Variants in CTPS2 observed in about 807,000 individuals in gnomAD.
CTPS2 encodes CTP synthase 2, also known as CTP synthase II.
A neutral mutation model predicts 46.8 loss-of-function variants in CTPS2; 19 were observed. The ratio of observed to expected loss-of-function variants is 0.41; its 90% confidence interval spans 0.28 to 0.60. The LOEUF is 0.60. Among genes scored for constraint, CTPS2 ranks in the 20% least tolerant of loss-of-function variants. The pLI is 0.35. For synonymous variants in CTPS2, 151 were observed against 165.2 expected, an observed-to-expected ratio of 0.91 and a Z score of 0.66; for missense variants, 286 against 447.6, an observed-to-expected ratio of 0.64 and a Z score of 3.26.
intron 17 of CTPS2, among the ~76,000 whole-genome samples, chrX:16,605,367 C>G (rs762255103): frequency 1.1e-4 from 12 of 111,648 alleles, no homozygotes; most frequent in Non-Finnish European, 2.3e-4. Context: ...TTTCTCCAGA[C>G]TCCACTTATC....
At chrX:16,671,432 T>C in intron 10 of CTPS2, among the ~76,000 whole-genome samples, 1 of 109,485 alleles carries the variant, frequency 9.1e-6, no homozygotes, top group Non-Finnish European at 1.9e-5. Context: ...TTGGGACCCG[T>C]TTCTGGTAAC....
chrX:16,680,995 G>T (rs1432156990), intron 9 of CTPS2, among the ~76,000 whole-genome samples: 1 of 111,974 alleles, frequency 8.9e-6, no homozygotes, highest in African/African-American at 3.2e-5. Context: ...AGACCAGCCT[G>T]GCCAACATGA....
rs1923701228 is a variant in CTPS2 at position 16,691,537 on chromosome X, A to G, written c.720+3T>C. The G allele has an allele frequency of 2.5e-6, 3 of 1,204,954 alleles. No individual in the cohort carries two copies. Among genetic ancestry groups the G allele is most frequent in the Admixed American group, 2.2e-5 (1 of 45,683 alleles). On this transcript the variant is annotated splice_donor_region_variant and intron_variant, in intron 7 of 18. Coordinates refer to ENST00000359276, the MANE Select transcript of CTPS2 (RefSeq NM_175859.3). ...ACAATAAAATCTAAAGAGCAGCACC[A>G]ACCTGTTCAGGGTTCACGTGACAAA...
chrX:16,634,603 T>C (rs1931642293), intron 14 of CTPS2, among the ~76,000 whole-genome samples: 1 of 112,095 alleles, frequency 8.9e-6, no homozygotes, highest in Admixed American at 9.5e-5. Flanking sequence ...TTCATAACCC[T>C]TAAGGAATTA....
chrX:16,639,093 A>C, intron 14 of CTPS2, 54 bp downstream of exon 14: 1 of 954,622 alleles, frequency 1.0e-6, no homozygotes, highest in Non-Finnish European at 1.5e-6. Flanking sequence ...GGGCACCTGC[A>C]GTCACATGAG....
At chrX:16,694,657 T>G (rs985960926) in intron 4 of CTPS2, among the ~76,000 whole-genome samples, 4 of 112,446 alleles carry the variant, frequency 3.6e-5, no homozygotes, top group African/African-American at 1.3e-4. Flanking sequence ...AAATTCAATA[T>G]AAGCCCTAAG....
intron 16 of CTPS2, among the ~76,000 whole-genome samples, chrX:16,616,204 C>T (rs1930519402): frequency 8.9e-6 from 1 of 111,936 alleles, no homozygotes; most frequent in Admixed American, 9.5e-5. Flanking sequence ...TGCCTTCTGT[C>T]TCATCAATAG....
chrX:16,692,607 C>G (rs1278720525), intron 6 of CTPS2, among the ~76,000 whole-genome samples: 2 of 111,828 alleles, frequency 1.8e-5, no homozygotes, highest in Non-Finnish European at 3.8e-5. Flanking sequence ...GCCCAACTAT[C>G]AATGTGGCCC....
intron 13 of CTPS2, among the ~76,000 whole-genome samples, chrX:16,640,632 G>A (rs936815783): frequency 8.9e-6 from 1 of 111,854 alleles, no homozygotes; most frequent in Non-Finnish European, 1.9e-5. Flanking sequence ...TAATTCATCT[G>A]TTTTCTCAGT....
intron 14 of CTPS2, among the ~76,000 whole-genome samples, chrX:16,630,549 C>T (rs903265168): frequency 1.8e-5 from 2 of 110,582 alleles, no homozygotes; most frequent in African/African-American, 6.6e-5. Context: ...CCACCGCGCC[C>T]GGCCCTGTGT....
At position 16,592,630 on chromosome X, in the gene CTPS2, A is replaced by C. The variant is rs189185095; in HGVS notation, c.1692-1768T>G. Among the ~76,000 whole-genome samples the C allele has an allele frequency of 5.9e-3, 660 of 111,346 alleles. 3 individuals carry two copies. The highest frequency in any genetic ancestry group is 9.8e-3 in the Admixed American group (103 of 10,469). On this transcript the variant is annotated intron_variant, in intron 17 of 18. Transcript: ENST00000359276. The stretch of plus-strand genomic sequence containing the variant: ...AGGACTAAGACGTGCATATTGGCTC[A>C]AGACCCAGAAAACACCCTGCAGTGA...
At chrX:16,669,461 T>C (rs1186507582) in intron 11 of CTPS2, among the ~76,000 whole-genome samples, 1 of 109,495 alleles carries the variant, frequency 9.1e-6, no homozygotes, top group Non-Finnish European at 1.9e-5. Flanking sequence ...GAAAGTTCCA[T>C]ATGGCTGGGA....
At chrX:16,606,972 G>A (rs1930010495) in intron 17 of CTPS2, among the ~76,000 whole-genome samples, 1 of 111,984 alleles carries the variant, frequency 8.9e-6, no homozygotes, top group Admixed American at 9.4e-5. Flanking sequence ...GGCTGGTCTC[G>A]AACTCCTGAC....
intron 15 of CTPS2, among the ~76,000 whole-genome samples, chrX:16,618,102 A>T (rs1930629817): frequency 9.0e-6 from 1 of 110,886 alleles, no homozygotes; most frequent in Non-Finnish European, 1.9e-5. Context: ...ACCCCCCATC[A>T]CCCTGACCCG....
At chrX:16,653,402 T>C (rs1396327903) in intron 13 of CTPS2, among the ~76,000 whole-genome samples, 2 of 112,334 alleles carry the variant, frequency 1.8e-5, no homozygotes, top group Non-Finnish European at 3.8e-5. Flanking sequence ...GTTGAAAATA[T>C]AGATTCTCCA....
chrX:16,610,832 C>T (rs988516839), intron 16 of CTPS2, among the ~76,000 whole-genome samples: 1 of 112,372 alleles, frequency 8.9e-6, no homozygotes, highest in East Asian at 2.8e-4. Context: ...AAATGTGGCA[C>T]ATATATACCA....
chrX:16,669,573 C>CA (rs75916870), intron 11 of CTPS2, among the ~76,000 whole-genome samples: 210 of 99,586 alleles, frequency 2.1e-3, no homozygotes, highest in East Asian at 6.7e-3. Context: ...ACAGAAACTT[C>CA]AAAAAAAAAA....
intron 3 of CTPS2, 102 bp downstream of exon 3, chrX:16,698,821 G>A: frequency 1.3e-6 from 1 of 780,778 alleles, no homozygotes; most frequent in Non-Finnish European, 1.8e-6. Context: ...AAAGTGCTGG[G>A]ATTACAGGCC....
chrX:16,617,218 T>C lies in CTPS2; in HGVS notation c.1478A>G (p.Glu493Gly). 10 of 1,209,961 alleles carry C rather than the reference T, an allele frequency of 8.3e-6. No homozygotes were observed. The highest frequency in any genetic ancestry group is 1.1e-5 in the Non-Finnish European group (10 of 894,273). The change falls in exon 16 of 19, where the codon GAG becomes GGG. Residue 493 changes from glutamate to glycine, a missense_variant. By Grantham distance (98) the Glu-to-Gly change is moderately conservative (BLOSUM62 -2). Transcript: ENST00000359276. ...ACCTACAAAACTTAAGTCATTCTGC[T>C]CAAATTGTTTGATCAGGTTAGGGTT... ...EVNPNLIKQF[E>G]QNDLSFVGQD...
Sources: gnomAD v4.1 joint callset for allele counts (sites outside exome capture counted in the v4.1 genomes callset) on GRCh38, gnomAD v4.1.1 for gene constraint, MANE v1.5 for transcripts, NCBI Gene and HGNC (gene_info 2026-07-23, HGNC 2026-07-21) for gene names.